Variants in PTPRK observed in about 807,000 individuals in gnomAD.
The protein encoded by PTPRK is protein tyrosine phosphatase receptor type K.
Under a neutral mutation model 178.0 loss-of-function variants are expected in PTPRK, and 75 were observed. That is an observed-to-expected ratio of 0.42 (90% CI 0.35 to 0.51). The LOEUF is 0.51. Ranked by LOEUF, PTPRK falls within the 20% of genes least tolerant of loss-of-function variation. The pLI is 0.02. For missense variants in PTPRK, 1,441 were observed against 1,797.8 expected (o/e 0.80, Z 3.59); for synonymous variants, 637 against 620.6 (o/e 1.03, Z -0.39).
chr6:128,074,561 G>GACAA, intron 11 of PTPRK, among the ~76,000 whole-genome samples: 1 of 152,190 alleles, frequency 6.6e-6, no homozygotes, highest in East Asian at 1.9e-4. Flanking sequence ...TTTGAACACA[G>GACAA]TAATGATTGT....
chr6:128,044,331 A>G (rs1224584506), intron 13 of PTPRK, among the ~76,000 whole-genome samples: 2 of 151,978 alleles, frequency 1.3e-5, no homozygotes, highest in Non-Finnish European at 2.9e-5. Context: ...TTTCTCTCTC[A>G]TGCCACTTCC....
intron 24 of PTPRK, among the ~76,000 whole-genome samples, chr6:127,981,581 G>C (rs1346737594): frequency 6.6e-6 from 1 of 152,048 alleles, no homozygotes; most frequent in Non-Finnish European, 1.5e-5. Context: ...AAATGCAATC[G>C]GGCAGTCCAT....
intron 3 of PTPRK, chr6:128,321,409 C>A: frequency 4.8e-6 from 1 of 207,912 alleles, no homozygotes; most frequent in Non-Finnish European, 9.4e-6. Context: ...TGGGTACTGA[C>A]ACTATTGATT....
intron 1 of PTPRK, among the ~76,000 whole-genome samples, chr6:128,464,662 T>TACAC (rs1374535786): frequency 2.7e-5 from 3 of 112,856 alleles, no homozygotes; most frequent in Non-Finnish European, 5.3e-5. Context: ...TATATATATA[T>TACAC]ATATATATAT....
chr6:128,231,789 T>C (rs1033399643), intron 5 of PTPRK, among the ~76,000 whole-genome samples: 6 of 152,126 alleles, frequency 3.9e-5, no homozygotes, highest in African/African-American at 1.2e-4. Context: ...AAACTAGAAA[T>C]TGAAAAAACA....
intron 2 of PTPRK, among the ~76,000 whole-genome samples, chr6:128,352,643 C>T (rs1466797849): frequency 1.3e-5 from 2 of 152,136 alleles, no homozygotes; most frequent in East Asian, 3.9e-4. Context: ...GTTCCCTCTG[C>T]ATGGAGGACC....
intron 7 of PTPRK, among the ~76,000 whole-genome samples, chr6:128,177,816 G>A (rs1039522035): frequency 3.3e-5 from 5 of 151,702 alleles, no homozygotes; most frequent in African/African-American, 1.2e-4. Flanking sequence ...TACCTTATAA[G>A]TCAGTCTGTC....
At chr6:128,502,930 C>G (rs563716595) in intron 1 of PTPRK, among the ~76,000 whole-genome samples, 1 of 152,156 alleles carries the variant, frequency 6.6e-6, no homozygotes, top group African/African-American at 2.4e-5. Flanking sequence ...CTGGCAAGTG[C>G]TAAAACCTGA....
chr6:127,977,401 C>T (rs770934052), intron 25 of PTPRK, among the ~76,000 whole-genome samples: 14 of 152,098 alleles, frequency 9.2e-5, no homozygotes, highest in Non-Finnish European at 1.6e-4. Context: ...TCCTGTTGGG[C>T]TATTTCAATT....
At chr6:128,239,673 T>C (rs1362668263) in intron 5 of PTPRK, among the ~76,000 whole-genome samples, 1 of 152,162 alleles carries the variant, frequency 6.6e-6, no homozygotes, top group Admixed American at 6.5e-5. Flanking sequence ...GTATGACAGC[T>C]CCTACTTAAC....
At chr6:128,254,716 T>A (rs1008604277) in intron 3 of PTPRK, among the ~76,000 whole-genome samples, 2 of 151,796 alleles carry the variant, frequency 1.3e-5, no homozygotes, top group South Asian at 4.2e-4. Flanking sequence ...TCTAGAATAC[T>A]CAGAGATTAT....
At chr6:128,468,018 T>C (rs1452546460) in intron 1 of PTPRK, among the ~76,000 whole-genome samples, 3 of 152,212 alleles carry the variant, frequency 2.0e-5, no homozygotes, top group Non-Finnish European at 4.4e-5. Flanking sequence ...AACTACCTAA[T>C]TGATTTCTTG....
intron 6 of PTPRK, among the ~76,000 whole-genome samples, chr6:128,203,988 C>G (rs1304107288): frequency 6.6e-6 from 1 of 152,082 alleles, no homozygotes; most frequent in East Asian, 1.9e-4. Flanking sequence ...GCAAAATGAA[C>G]AAAGCTGGAG....
intron 2 of PTPRK, among the ~76,000 whole-genome samples, chr6:128,343,977 T>C (rs1239009436): frequency 6.6e-6 from 1 of 152,210 alleles, no homozygotes; most frequent in African/African-American, 2.4e-5. Flanking sequence ...GTGATTTTCG[T>C]AACACTTCCC....
chr6:128,096,850 T>C (rs1787994814), intron 7 of PTPRK, among the ~76,000 whole-genome samples: 1 of 152,126 alleles, frequency 6.6e-6, no homozygotes, highest in Admixed American at 6.5e-5. Flanking sequence ...ATGAAATTTC[T>C]GGACAAAGGT....
chr6:128,237,661 T>A (rs1813538544), intron 5 of PTPRK, among the ~76,000 whole-genome samples: 2 of 152,178 alleles, frequency 1.3e-5, no homozygotes, highest in South Asian at 4.1e-4. Context: ...GCCACTGCAA[T>A]TAACTGGGTT....
intron 5 of PTPRK, among the ~76,000 whole-genome samples, chr6:128,219,905 A>C (rs1438508725): frequency 6.6e-6 from 1 of 152,250 alleles, no homozygotes; most frequent in African/African-American, 2.4e-5. Context: ...TTAGAGTCAA[A>C]CCAAAATCTG....
intron 15 of PTPRK, among the ~76,000 whole-genome samples, chr6:128,000,588 A>G (rs1415164157): frequency 2.0e-5 from 3 of 152,044 alleles, no homozygotes; most frequent in Non-Finnish European, 2.9e-5. Flanking sequence ...GATTCATGAG[A>G]GTTTCCTGTT....
intron 2 of PTPRK, among the ~76,000 whole-genome samples, chr6:128,343,711 T>A (rs1028407143): frequency 2.0e-5 from 3 of 152,210 alleles, no homozygotes; most frequent in African/African-American, 7.2e-5. Context: ...AAATAGAAAG[T>A]CAGCTGTTAA....
Sources: allele counts gnomAD v4.1 joint callset (sites outside exome capture counted in the v4.1 genomes callset), GRCh38; gene constraint gnomAD v4.1.1; transcripts MANE v1.5; gene names NCBI Gene and HGNC (gene_info 2026-07-23, HGNC 2026-07-21).